The following DYNC2H1 variants were observed in gnomAD, a reference collection of about 807,000 sequenced individuals.
DYNC2H1 encodes the protein cytoplasmic dynein 2 heavy chain 1.
DYNC2H1 carries 410 observed loss-of-function variants against 570.0 expected under a neutral mutation model. The ratio of observed to expected loss-of-function variants is 0.72; its 90% CI spans 0.66 to 0.78. DYNC2H1 has a LOEUF of 0.78. Ranked by LOEUF, DYNC2H1 falls within the 30% of genes least tolerant of loss-of-function variation. DYNC2H1 has a pLI of 0.00. For synonymous variants in DYNC2H1, 1,688 were observed against 1,677.6 expected, an observed-to-expected ratio of 1.01 and a Z score of -0.15; for missense variants, 4,865 against 5,046.4, an observed-to-expected ratio of 0.96 and a Z score of 1.09.
Position 103,185,621 on chromosome 11 carries a change from C to A in DYNC2H1, c.6633+570C>A, listed in dbSNP as rs1193738848. ...GCTTTTTTTTCTCATTTTGCTGCTT[C>A]TTTGATAGTGTCATTTACTGCTTTC... is the stretch of plus-strand genomic sequence containing the variant. On this transcript the variant is annotated intron_variant, in intron 41 of 88. Transcript: ENST00000375735. The surrounding 1 kb of genome is among the most constrained non-coding windows in gnomAD (Gnocchi z 4.5). Among the ~76,000 whole-genome samples, 1 of 151,382 alleles carries A rather than the reference C, an allele frequency of 6.6e-6. No individual in the cohort carries two copies. The highest frequency in any genetic ancestry group is 1.5e-5 in the Non-Finnish European group (1 of 67,786).
Position 103,177,912 on chromosome 11 carries a change from C to A in DYNC2H1, c.6139+92C>A. 7.3e-7 allele frequency: 1 copy of A among 1,374,304 alleles called. No homozygotes were observed. The highest frequency in any genetic ancestry group is 9.7e-7 in the Non-Finnish European group (1 of 1,030,928). The allele number at this position is 1,374,304 out of a possible 1,614,324, so 85.1% of individuals were successfully genotyped here. On this transcript the variant is annotated intron_variant, in intron 38 of 88. Coordinates refer to ENST00000375735, the MANE Select transcript of DYNC2H1 (RefSeq NM_001377.3). The surrounding 1 kb of genome is among the most constrained non-coding windows in gnomAD (Gnocchi z 4.4). ...AATGCTGTCTTTGTCAAGACTTCTA[C>A]ATGACCATAAAGTCATAATTAAGTT...
At chr11:103,352,966 C>T (rs2135513491) in intron 82 of DYNC2H1, among the ~76,000 whole-genome samples, 1 of 152,186 alleles carries the variant, frequency 6.6e-6, no homozygotes, top group East Asian at 1.9e-4. Context: ...ACTATACAGC[C>T]ATAAAAAGAA....
At chr11:103,478,094 C>G (rs1358809104) in intron 88 of DYNC2H1, among the ~76,000 whole-genome samples, 1 of 152,062 alleles carries the variant, frequency 6.6e-6, no homozygotes, top group Non-Finnish European at 1.5e-5. Context: ...AATTTGAACA[C>G]CAATGCAGTA....
At position 103,177,023 on chromosome 11, in the gene DYNC2H1, C is replaced by T. The variant is rs532818478; in HGVS notation, c.5875-533C>T. Among the ~76,000 whole-genome samples the T allele has an allele frequency of 6.6e-6, 1 of 152,032 alleles. No individual in the cohort carries two copies. The highest frequency in any genetic ancestry group is 1.5e-5 in the Non-Finnish European group (1 of 67,990). On this transcript the variant is annotated intron_variant, in intron 37 of 88. Transcript: ENST00000375735. The surrounding 1 kb of genome is among the most constrained non-coding windows in gnomAD (Gnocchi z 4.4). ...ATCTGGCCATCCATATATATTTTTG[C>T]TCACCATTTCATTTCTATTGCCTGT... is the stretch of plus-strand genomic sequence containing the variant.
At chr11:103,473,723 C>T (rs1945463775) in intron 88 of DYNC2H1, among the ~76,000 whole-genome samples, 1 of 152,178 alleles carries the variant, frequency 6.6e-6, no homozygotes, top group South Asian at 2.1e-4. Context: ...CAGTGATGCC[C>T]TTCTGGCATT....
chr11:103,432,780 C>T (rs1217843957), intron 84 of DYNC2H1, among the ~76,000 whole-genome samples: 1 of 152,116 alleles, frequency 6.6e-6, no homozygotes, highest in Non-Finnish European at 1.5e-5. Context: ...TACTTTTGCA[C>T]TTACCTAATA....
chr11:103,213,911 T>A (rs1863264146), intron 54 of DYNC2H1, among the ~76,000 whole-genome samples: 2 of 152,232 alleles, frequency 1.3e-5, no homozygotes, highest in South Asian at 4.1e-4. Flanking sequence ...CCTAAACCAA[T>A]GTCCTGGAGC....
At chr11:103,443,770 A>G (rs1003784043) in intron 85 of DYNC2H1, among the ~76,000 whole-genome samples, 6 of 151,792 alleles carry the variant, frequency 4.0e-5, no homozygotes, top group African/African-American at 1.4e-4. Context: ...TATTATGTGT[A>G]CCTAGTTTTT....
chr11:103,226,724 A>G (rs961466134), intron 59 of DYNC2H1, among the ~76,000 whole-genome samples: 14 of 152,164 alleles, frequency 9.2e-5, no homozygotes, highest in Non-Finnish European at 1.5e-4. Flanking sequence ...TACTGGCTTC[A>G]TAGATTGATT....
intron 78 of DYNC2H1, among the ~76,000 whole-genome samples, chr11:103,308,973 A>G (rs1315858855): frequency 6.6e-6 from 1 of 151,780 alleles, no homozygotes; most frequent in African/African-American, 2.4e-5. Context: ...GATTGTTCCC[A>G]ACCTCCCTGC....
At chr11:103,395,000 C>T (rs1250822931) in intron 83 of DYNC2H1, among the ~76,000 whole-genome samples, 1 of 152,028 alleles carries the variant, frequency 6.6e-6, no homozygotes, top group Non-Finnish European at 1.5e-5. Context: ...CCTCCTCTTT[C>T]CACAGTTTTG....
rs146021690 is a variant in DYNC2H1, at chr11:103,311,531, G to C, written c.11494-347G>C. ...GCTGCTGTATTAAACTCAAATACCTGTCCCATAACAATCAATATCACATTA... is the reference window on the plus strand; with the variant it reads ...GCTGCTGTATTAAACTCAAATACCTCTCCCATAACAATCAATATCACATTA... On this transcript the variant is annotated intron_variant, in intron 78 of 88. Transcript: ENST00000375735. Among the ~76,000 whole-genome samples, 657 of 151,870 alleles carry C rather than the reference G, an allele frequency of 4.3e-3. 11 individuals are homozygous for C. The highest frequency in any genetic ancestry group is 0.015 in the African/African-American group (612 of 41,406).
chr11:103,307,572 A>C (rs1013968484), intron 77 of DYNC2H1, 149 bp from the exon 78 acceptor site: 1 of 493,952 alleles, frequency 2.0e-6, no homozygotes. Context: ...AGAAAAGATA[A>C]AAATTTAAAG....
intron 84 of DYNC2H1, among the ~76,000 whole-genome samples, chr11:103,433,206 T>G (rs1943957141): frequency 6.6e-6 from 1 of 152,136 alleles, no homozygotes; most frequent in Admixed American, 6.6e-5. Context: ...TGAAATATTT[T>G]TTATATAGGT....
intron 73 of DYNC2H1, among the ~76,000 whole-genome samples, chr11:103,284,695 A>G (rs900965015): frequency 2.0e-5 from 3 of 152,238 alleles, no homozygotes; most frequent in Non-Finnish European, 4.4e-5. Flanking sequence ...TAAGTTACAT[A>G]ATGAAATTTG....
rs73595688 is a variant in DYNC2H1 at position 103,142,666 on chromosome 11, G to T, written c.2575-602G>T. Among the ~76,000 whole-genome samples, 5 of 152,042 alleles carry T rather than the reference G, an allele frequency of 3.3e-5. No homozygotes were observed. In the East Asian group the frequency reaches 9.7e-4, roughly 29 times the overall value. ...GCTGGGTGGCAGAGCGAGACTCCATGTCAAGAAAAAAAGAAAATGTGTCAG... is the reference window on the plus strand; with the variant it reads ...GCTGGGTGGCAGAGCGAGACTCCATTTCAAGAAAAAAAGAAAATGTGTCAG... On this transcript the variant is annotated intron_variant, in intron 17 of 88. Coordinates refer to ENST00000375735, the MANE Select transcript of DYNC2H1 (RefSeq NM_001377.3).
At chr11:103,246,660 G>A (rs1032232352) in intron 65 of DYNC2H1, among the ~76,000 whole-genome samples, 1 of 152,002 alleles carries the variant, frequency 6.6e-6, no homozygotes, top group Non-Finnish European at 1.5e-5. Context: ...TGTCACACTA[G>A]TCTGTTATCC....
rs1862614284 is a variant in DYNC2H1 at position 103,199,078 on chromosome 11, T to C, written c.7840-150T>C. 6 of 478,922 alleles carry C rather than the reference T, an allele frequency of 1.3e-5. No homozygotes were observed. In the East Asian group the frequency reaches 1.8e-4, roughly 14 times the overall value. 29.7% of individuals were successfully genotyped at this position (478,922 alleles called of 1,614,324 possible). A position where few individuals can be genotyped will look rare whatever the true frequency, so the allele number is the denominator to read the frequency against. The stretch of plus-strand genomic sequence containing the variant: ...TATATTTATCCAGGATTACCAGACA[T>C]ATAAAATATTGAGTGTGAGATGATA... On this transcript the variant is annotated intron_variant, in intron 48 of 88. Transcript: ENST00000375735. The surrounding 1 kb of genome is among the most constrained non-coding windows in gnomAD (Gnocchi z 4.6).
chr11:103,288,300 C>T (rs1345927588), intron 75 of DYNC2H1, among the ~76,000 whole-genome samples: 1 of 151,986 alleles, frequency 6.6e-6, no homozygotes, highest in Non-Finnish European at 1.5e-5. Flanking sequence ...TCGAAACCAC[C>T]TTTGCAAAAA....
Sources: gnomAD v4.1 joint callset for allele counts (sites outside exome capture counted in the v4.1 genomes callset) on GRCh38, gnomAD v4.1.1 for gene constraint, Gnocchi (gnomAD v3.1) non-coding constraint, MANE v1.5 for transcripts, NCBI Gene and HGNC (gene_info 2026-07-23, HGNC 2026-07-21) for gene names.